Variants in EPHA6 observed in about 807,000 individuals in gnomAD.
The protein encoded by EPHA6 is EPH receptor A6, also known as ephrin type-A receptor 6.
EPHA6 carries 50 observed loss-of-function variants against 112.0 expected under a neutral mutation model. The observed-to-expected ratio is 0.45, with a 90% CI of 0.36 to 0.56. EPHA6 has a LOEUF of 0.56. Among genes scored for constraint, EPHA6 ranks in the 20% least tolerant of loss-of-function variants. The probability of loss-of-function intolerance (pLI) is 0.00; values close to 1 mark genes in which losing one functional copy is unlikely to be tolerated. For synonymous variants in EPHA6, 529 were observed against 490.7 expected (o/e 1.08, Z -1.03); for missense variants, 1,280 against 1,417.4 (o/e 0.90, Z 1.56).
chr3:96,935,646 ATATATT>A (rs1223223696), intron 2 of EPHA6, among the ~76,000 whole-genome samples: 9 of 148,542 alleles, frequency 6.1e-5, no homozygotes, highest in Admixed American at 5.4e-4. Flanking sequence ...TAAATATTAT[ATATATT>A]TATAACAGTT....
chr3:96,962,687 G>A (rs2041988131), intron 2 of EPHA6, among the ~76,000 whole-genome samples: 1 of 151,208 alleles, frequency 6.6e-6, no homozygotes, highest in African/African-American at 2.4e-5. Context: ...CTCAGAAACA[G>A]CCTTATATAA....
At chr3:97,285,424 T>C (rs1028588450) in intron 5 of EPHA6, among the ~76,000 whole-genome samples, 2 of 152,066 alleles carry the variant, frequency 1.3e-5, no homozygotes, top group Non-Finnish European at 2.9e-5. Flanking sequence ...ACTCTCTACC[T>C]CCATGAGATC....
rs113744429 is a variant in EPHA6, at chr3:97,699,923, T to C, written c.2785-20338T>C. On this transcript the variant is annotated intron_variant, in intron 14 of 17. Coordinates refer to ENST00000389672, the MANE Select transcript of EPHA6 (RefSeq NM_001080448.3). Reference sequence around the variant, plus strand: ...GGCAGAAATATTGATTATTTGGCAATTGCCTCAGCCCAAGTTCCCTGGAAA... The same window carrying C: ...GGCAGAAATATTGATTATTTGGCAACTGCCTCAGCCCAAGTTCCCTGGAAA... 2.2e-3 allele frequency among the ~76,000 whole-genome samples: 339 copies of C among 152,338 alleles called. 2 individuals carry two copies. The highest frequency in any genetic ancestry group is 8.0e-3 in the African/African-American group (331 of 41,580).
At position 97,009,556 on chromosome 3, in the gene EPHA6, C is replaced by G. The variant is rs144176040; in HGVS notation, c.1114+21563C>G. Reference sequence around the variant, plus strand: ...GTGTGGTAGGCAGTTGCCAGTCCCACTGCTGGTTGCTTCCTCTCTGCCAAA... The same window carrying G: ...GTGTGGTAGGCAGTTGCCAGTCCCAGTGCTGGTTGCTTCCTCTCTGCCAAA... On this transcript the variant is annotated intron_variant, in intron 3 of 17. Coordinates refer to ENST00000389672, the MANE Select transcript of EPHA6 (RefSeq NM_001080448.3). Among the ~76,000 whole-genome samples, 1,001 of 152,340 alleles carry G rather than the reference C, an allele frequency of 6.6e-3. 8 individuals are homozygous for G. The highest frequency in any genetic ancestry group is 0.022 in the African/African-American group (908 of 41,584).
intron 14 of EPHA6, among the ~76,000 whole-genome samples, chr3:97,709,863 C>T (rs2033875714): frequency 6.6e-6 from 1 of 152,110 alleles, no homozygotes; most frequent in South Asian, 2.1e-4. Context: ...GTAAGACATG[C>T]CTTGCTTCCC....
intron 2 of EPHA6, among the ~76,000 whole-genome samples, chr3:96,947,278 T>TATA (rs1396840754): frequency 2.0e-5 from 3 of 152,218 alleles, no homozygotes; most frequent in Non-Finnish European, 4.4e-5. Context: ...TGAATGGTAT[T>TATA]GCCTAGGTTT....
At chr3:97,698,164 G>C (rs544502597) in intron 14 of EPHA6, among the ~76,000 whole-genome samples, 2 of 151,994 alleles carry the variant, frequency 1.3e-5, no homozygotes, top group Admixed American at 6.6e-5. Flanking sequence ...CACCATGCCC[G>C]GCTAATTTTG....
At chr3:97,084,185 C>T (rs2046821352) in intron 3 of EPHA6, among the ~76,000 whole-genome samples, 1 of 146,426 alleles carries the variant, frequency 6.8e-6, no homozygotes, top group Admixed American at 6.8e-5. Flanking sequence ...GCACTTTTAT[C>T]CTACTTTTCA....
intron 2 of EPHA6, among the ~76,000 whole-genome samples, chr3:96,970,865 A>G (rs1324896630): frequency 6.6e-6 from 1 of 152,090 alleles, no homozygotes; most frequent in East Asian, 1.9e-4. Flanking sequence ...CCTCATCCAT[A>G]AATCAGGATA....
chr3:97,363,179 TA>T (rs2084475796), intron 5 of EPHA6, among the ~76,000 whole-genome samples: 2 of 1,022 alleles, frequency 2.0e-3, no homozygotes, highest in Non-Finnish European at 5.6e-3. Flanking sequence ...GCAATATATA[TA>T]TATATATATA....
intron 6 of EPHA6, among the ~76,000 whole-genome samples, chr3:97,424,022 T>A (rs2088891067): frequency 6.6e-6 from 1 of 152,186 alleles, no homozygotes; most frequent in African/African-American, 2.4e-5. Context: ...TACTTGAGAC[T>A]GGGTAATTTA....
intron 14 of EPHA6, among the ~76,000 whole-genome samples, chr3:97,684,713 G>C (rs1427775528): frequency 6.6e-6 from 1 of 152,110 alleles, no homozygotes; most frequent in Non-Finnish European, 1.5e-5. Context: ...ATGCCATAGA[G>C]TACCTAGCCC....
chr3:97,438,411 T>A (rs1489800379), intron 6 of EPHA6, among the ~76,000 whole-genome samples: 2 of 152,336 alleles, frequency 1.3e-5, no homozygotes, highest in Middle Eastern at 3.4e-3. Context: ...ACATTTAGGT[T>A]GTAGAAGCAC....
At chr3:97,268,043 T>C (rs1299559932) in intron 5 of EPHA6, among the ~76,000 whole-genome samples, 1 of 152,114 alleles carries the variant, frequency 6.6e-6, no homozygotes. Context: ...ATTTAGTGAT[T>C]TGGGATCTTT....
At chr3:97,690,929 A>G (rs1020538427) in intron 14 of EPHA6, among the ~76,000 whole-genome samples, 2 of 152,220 alleles carry the variant, frequency 1.3e-5, no homozygotes, top group African/African-American at 4.8e-5. Flanking sequence ...CTTGAAACAC[A>G]GCAGTTTTAA....
chr3:97,304,524 A>G (rs563070662), intron 5 of EPHA6, among the ~76,000 whole-genome samples: 2 of 152,132 alleles, frequency 1.3e-5, no homozygotes, highest in Non-Finnish European at 2.9e-5. Flanking sequence ...CCAGAACAGC[A>G]TGGTACTGGC....
chr3:97,227,175 T>G (rs1270583875), intron 4 of EPHA6, among the ~76,000 whole-genome samples: 1 of 149,044 alleles, frequency 6.7e-6, no homozygotes, highest in Admixed American at 6.7e-5. Context: ...TATGTTAACA[T>G]AAAAACAAAA....
chr3:97,673,929 A>G (rs75309190), intron 14 of EPHA6, among the ~76,000 whole-genome samples: 8,855 of 152,316 alleles, frequency 0.058, 319 homozygotes, highest in African/African-American at 0.099. Context: ...TTTGGATGAC[A>G]TAACTTCTGT....
intron 3 of EPHA6, among the ~76,000 whole-genome samples, chr3:96,998,544 A>G (rs947873463): frequency 2.0e-5 from 3 of 151,882 alleles, no homozygotes; most frequent in African/African-American, 7.2e-5. Context: ...CAAGATGATG[A>G]TGATTTTTCT....
Sources: gnomAD v4.1 joint callset for allele counts (sites outside exome capture counted in the v4.1 genomes callset) on GRCh38, gnomAD v4.1.1 for gene constraint, MANE v1.5 for transcripts, NCBI Gene and HGNC (gene_info 2026-07-23, HGNC 2026-07-21) for gene names.